The following COBLL1 variants were observed in gnomAD, a reference collection of about 807,000 sequenced individuals.
COBLL1 encodes the protein cordon-bleu WH2 repeat protein like 1.
Under a neutral mutation model 94.8 loss-of-function variants are expected in COBLL1, and 50 were observed. That is an observed-to-expected ratio of 0.53 (90% CI 0.42 to 0.67). The LOEUF (loss-of-function observed/expected upper bound fraction) is 0.67. Ranked by LOEUF, COBLL1 falls within the 30% of genes least tolerant of loss-of-function variation. The pLI is 0.00. For missense variants in COBLL1, 1,362 were observed against 1,348.7 expected (o/e 1.01, Z -0.15); for synonymous variants, 448 against 473.8 (o/e 0.95, Z 0.71).
intron 2 of COBLL1, among the ~76,000 whole-genome samples, chr2:164,797,535 C>T (rs561100932): frequency 5.8e-4 from 88 of 152,232 alleles, no homozygotes; most frequent in African/African-American, 2.0e-3. Flanking sequence ...AATGAAAGAG[C>T]TTAGATTCAA....
chr2:164,801,014 C>T (rs186020470), intron 2 of COBLL1, among the ~76,000 whole-genome samples: 1 of 152,256 alleles, frequency 6.6e-6, no homozygotes, highest in East Asian at 1.9e-4. Context: ...ACTCCTAGCA[C>T]TGGAGCTGGG....
Position 164,692,241 on chromosome 2 carries a change from C to G in COBLL1, c.3280G>C (p.Ala1094Pro), listed in dbSNP as rs1683643376. Residue 1094 changes from alanine (A) to proline (P), a missense_variant, in exon 13 of 14, where the codon GCT (alanine) becomes CCT (proline). Ala to Pro is a conservative substitution (Grantham distance 27). Coordinates refer to ENST00000652658, the MANE Select transcript of COBLL1 (RefSeq NM_001365672.2). ...SLLTAIRSGE[A>P]AAKLKRVTIP... ...CTTACCCTTTTCAATTTGGCAGCAGCCTCTCCCGAACGGATTGCAGTCAGC... is the reference window on the plus strand; with the variant it reads ...CTTACCCTTTTCAATTTGGCAGCAGGCTCTCCCGAACGGATTGCAGTCAGC... The G allele has an allele frequency of 6.2e-7, 1 of 1,605,722 alleles. No individual in the cohort carries two copies. Among genetic ancestry groups the G allele is most frequent in the African/African-American group, 1.3e-5 (1 of 74,530 alleles).
At chr2:164,693,024 T>C (rs554681458) in intron 12 of COBLL1, among the ~76,000 whole-genome samples, 1 of 152,162 alleles carries the variant, frequency 6.6e-6, no homozygotes, top group Non-Finnish European at 1.5e-5. Flanking sequence ...TTAATTACGC[T>C]TCTCAGGAAG....
At chr2:164,793,819 T>C (rs959150694) in intron 2 of COBLL1, among the ~76,000 whole-genome samples, 1 of 152,258 alleles carries the variant, frequency 6.6e-6, no homozygotes, top group Non-Finnish European at 1.5e-5. Flanking sequence ...TATAGCAGAC[T>C]GGTAAGACTA....
intron 2 of COBLL1, among the ~76,000 whole-genome samples, chr2:164,769,640 C>T (rs1688106621): frequency 6.6e-6 from 1 of 152,172 alleles, no homozygotes; most frequent in African/African-American, 2.4e-5. Flanking sequence ...AGACAGATCA[C>T]TTGAGCTCAG....
At chr2:164,661,929 G>T (rs1182635235) in intron 2 of COBLL1, among the ~76,000 whole-genome samples, 1 of 152,036 alleles carries the variant, frequency 6.6e-6, no homozygotes, top group Non-Finnish European at 1.5e-5. Flanking sequence ...CTTGGCAATA[G>T]GCTGTTTCTT....
At chr2:164,687,456 C>T in intron 13 of COBLL1, 4 of 1,400,602 alleles carry the variant, frequency 2.9e-6, no homozygotes. Context: ...AGAACTTGAA[C>T]TTGGCCCTGT....
At chr2:164,688,626 A>T (rs572286092) in intron 13 of COBLL1, among the ~76,000 whole-genome samples, 1 of 152,206 alleles carries the variant, frequency 6.6e-6, no homozygotes, top group South Asian at 2.1e-4. Context: ...GAATGCAACT[A>T]TAACAATTTC....
intron 13 of COBLL1, among the ~76,000 whole-genome samples, chr2:164,688,387 G>A (rs545677421): frequency 9.8e-4 from 149 of 152,120 alleles, no homozygotes; most frequent in African/African-American, 3.5e-3. Context: ...ACAGTGTAGT[G>A]CTCAATAAAT....
intron 3 of COBLL1, among the ~76,000 whole-genome samples, chr2:164,734,583 A>G (rs1686199143): frequency 6.6e-6 from 1 of 152,174 alleles, no homozygotes; most frequent in African/African-American, 2.4e-5. Flanking sequence ...GAGCAGCTAC[A>G]AGGTTATTGC....
At chr2:164,670,990 G>A (rs559348639) in intron 1 of COBLL1, among the ~76,000 whole-genome samples, 8 of 152,244 alleles carry the variant, frequency 5.3e-5, no homozygotes, top group African/African-American at 1.2e-4. Context: ...TAAAATAGGC[G>A]TTATTAGTCT....
At chr2:164,840,642 G>A (rs1683548294) in intron 2 of COBLL1, 1 of 152,908 alleles carries the variant, frequency 6.5e-6, no homozygotes, top group Middle Eastern at 3.4e-3. Flanking sequence ...AATCAGAGGC[G>A]CGCACCCCGC....
intron 2 of COBLL1, among the ~76,000 whole-genome samples, chr2:164,835,057 C>A (rs1683253844): frequency 6.9e-6 from 1 of 143,888 alleles, no homozygotes; most frequent in African/African-American, 2.6e-5. Context: ...GGTACAACCA[C>A]TGTAAAAAAA....
At chr2:164,791,250 A>G (rs1683176478) in intron 2 of COBLL1, among the ~76,000 whole-genome samples, 1 of 152,230 alleles carries the variant, frequency 6.6e-6, no homozygotes, top group African/African-American at 2.4e-5. Context: ...AGCCAAAATA[A>G]CTTCTCAAAA....
At position 164,722,070 on chromosome 2, in the gene COBLL1, C is replaced by A; in HGVS notation, c.996+5G>T. ...AAAAACAAAATAGAAAACAAAACTA[C>A]ACACCTTATCTGTCTCATCCACGCT... On this transcript the variant is annotated splice_donor_5th_base_variant and intron_variant, in intron 7 of 13. Transcript: ENST00000652658. 6.4e-7 allele frequency: 1 copy of A among 1,561,288 alleles called. No individual in the cohort carries two copies. Among genetic ancestry groups the A allele is most frequent in the South Asian group, 1.2e-5 (1 of 83,956 alleles).
At chr2:164,807,758 TTTAA>T (rs1684248276) in intron 2 of COBLL1, among the ~76,000 whole-genome samples, 1 of 152,168 alleles carries the variant, frequency 6.6e-6, no homozygotes, top group South Asian at 2.1e-4. Flanking sequence ...TTTAGGATAA[TTTAA>T]TTATTATTTC....
At chr2:164,678,134 G>A (rs923987132), downstream of COBLL1, among the ~76,000 whole-genome samples, 7 of 152,106 alleles carry the variant, frequency 4.6e-5, no homozygotes, top group African/African-American at 1.7e-4. Context: ...AGAGCAAAGA[G>A]CAAGAATAGC....
intron 3 of COBLL1, among the ~76,000 whole-genome samples, chr2:164,730,506 TAAC>T (rs10607674): frequency 0.11 from 16,666 of 151,398 alleles, 1,167 homozygotes; most frequent in African/African-American, 0.21. Context: ...ATAATAATAA[TAAC>T]AATAAAAACA....
intron 2 of COBLL1, among the ~76,000 whole-genome samples, chr2:164,832,636 T>C (rs1683128290): frequency 6.6e-6 from 1 of 152,218 alleles, no homozygotes; most frequent in Non-Finnish European, 1.5e-5. Flanking sequence ...ACAAAGGAAT[T>C]TTCTACAAGT....
Sources: allele counts gnomAD v4.1 joint callset (sites outside exome capture counted in the v4.1 genomes callset), GRCh38; gene constraint gnomAD v4.1.1; transcripts MANE v1.5; gene names NCBI Gene and HGNC (gene_info 2026-07-23, HGNC 2026-07-21).